ACOD1: variants seen among roughly 807,000 people sequenced by gnomAD.
ACOD1 encodes the protein cis-aconitate decarboxylase.
A neutral mutation model predicts 14.2 loss-of-function variants in ACOD1; 14 were observed. The ratio of observed to expected loss-of-function variants is 0.99; its 90% CI spans 0.65 to 1.54. The LOEUF (loss-of-function observed/expected upper bound fraction) is 1.54. Among genes scored for constraint, ACOD1 ranks in the 40% most tolerant of loss-of-function variants. ACOD1 has a pLI of 0.00. For missense variants in ACOD1, 530 were observed against 586.3 expected, an observed-to-expected ratio of 0.90 and a Z score of 0.99; for synonymous variants, 182 against 221.7, an observed-to-expected ratio of 0.82 and a Z score of 1.59.
At chr13:76,956,182 G>A (rs1041750407) in intron 4 of ACOD1, among the ~76,000 whole-genome samples, 2 of 152,138 alleles carry the variant, frequency 1.3e-5, no homozygotes, top group South Asian at 2.1e-4. Context: ...AACTCTAAGA[G>A]GTAGATGTTA....
Position 76,957,945 on chromosome 13 carries a change from AC to A in ACOD1, c.1407del (p.Ser470LeufsTer28). 6.5e-7 allele frequency: 1 copy of A among 1,546,532 alleles called. No individual in the cohort carries two copies. Among genetic ancestry groups the A allele is most frequent in the South Asian group, 1.2e-5 (1 of 83,294 alleles). On this transcript the variant is annotated frameshift_variant, in exon 5 of 5. Coordinates refer to ENST00000377462, the MANE Select transcript of ACOD1 (RefSeq NM_001258406.2). LOFTEE classifies it low-confidence loss of function (END_TRUNC). ...CCCTCTCCACCAGAGGTAGCTTCAA[AC>A]TCTCCAGCATGTAATAATTCTATCA... ...KGPSPPEVAS[N>X]SPACNNSITN...
At chr13:76,951,830 T>A (rs2033824611) in intron 1 of ACOD1, among the ~76,000 whole-genome samples, 1 of 152,078 alleles carries the variant, frequency 6.6e-6, no homozygotes, top group South Asian at 2.1e-4. Flanking sequence ...TGGTCTGGAG[T>A]GGGGACCAGA....
chr13:76,948,542 C>T lies in ACOD1; in HGVS notation c.-17C>T. On this transcript the variant is annotated 5_prime_UTR_variant, in exon 1 of 5. Coordinates refer to ENST00000377462, the MANE Select transcript of ACOD1 (RefSeq NM_001258406.2). ...CTGGTTCACTCCTCCTGAACTGAAC[C>T]TCTTCTTTACAACGAAATGATGCTC... is the stretch of plus-strand genomic sequence containing the variant. 1 of 1,548,196 alleles carries T rather than the reference C, an allele frequency of 6.5e-7. No individual in the cohort carries two copies. Among genetic ancestry groups the T allele is most frequent in the Non-Finnish European group, 8.7e-7 (1 of 1,145,530 alleles).
rs758369570 is a variant in ACOD1 at position 76,957,566 on chromosome 13, C to T, written c.1027C>T (p.Leu343Phe). 7 of 1,550,520 alleles carry T rather than the reference C, an allele frequency of 4.5e-6. No homozygotes were observed. The highest frequency in any genetic ancestry group is 3.9e-5 in the Admixed American group (2 of 50,990). Residue 343 changes from leucine to phenylalanine, a missense_variant, in exon 5 of 5, where the codon CTT (leucine) becomes TTT (phenylalanine). Transcript: ENST00000377462. ...SFQYVACAML[L>F]DGGITVPSFH... ...CCAGTATGTGGCCTGTGCCATGCTGCTTGATGGTGGCATCACTGTCCCCTC... is the reference window on the plus strand; with the variant it reads ...CCAGTATGTGGCCTGTGCCATGCTGTTTGATGGTGGCATCACTGTCCCCTC...
intron 1 of ACOD1, among the ~76,000 whole-genome samples, chr13:76,950,004 C>G (rs1457942664): frequency 6.6e-6 from 1 of 152,110 alleles, no homozygotes; most frequent in Non-Finnish European, 1.5e-5. Flanking sequence ...CTATCAAAGC[C>G]CTCAGAGACA....
intron 1 of ACOD1, among the ~76,000 whole-genome samples, chr13:76,951,716 G>A (rs545583872): frequency 1.9e-4 from 29 of 152,206 alleles, no homozygotes; most frequent in African/African-American, 4.3e-4. Context: ...CATATTGTAC[G>A]TAAGAGCACC....
At position 76,958,022 on chromosome 13, in the gene ACOD1, G is replaced by A. The variant is rs998704663; in HGVS notation, c.*37G>A. On this transcript the variant is annotated 3_prime_UTR_variant, in exon 5 of 5. Coordinates refer to ENST00000377462, the MANE Select transcript of ACOD1 (RefSeq NM_001258406.2). Reference sequence around the variant, plus strand: ...ATCTAAATGACTTTGCATTTGGGGAGATTCAATGATTTGGTTTGTAAAGCA... The same window carrying A: ...ATCTAAATGACTTTGCATTTGGGGAAATTCAATGATTTGGTTTGTAAAGCA... 1 of 1,459,712 alleles carries A rather than the reference G, an allele frequency of 6.9e-7. No individual in the cohort carries two copies. Among genetic ancestry groups the A allele is most frequent in the Non-Finnish European group, 9.0e-7 (1 of 1,109,516 alleles). 90.4% of individuals were successfully genotyped at this position (1,459,712 alleles called of 1,614,324 possible).
chr13:76,957,036 C>T lies in ACOD1; in HGVS notation c.497C>T (p.Thr166Met), dbSNP rs772797580. ...TTCCATCCCCCTTCCGTGGTAGGAA[C>T]GTTGGGTAGTGCTGCTGCTGCATCC... is the stretch of plus-strand genomic sequence containing the variant. ...KRFHPPSVVG[T>M]LGSAAAASKF... The change falls in exon 5 of 5, where the codon ACG (threonine) becomes ATG (methionine). Residue 166 changes from threonine to methionine, a missense_variant. By Grantham distance (81) the Thr-to-Met change is moderately conservative (BLOSUM62 -1). Transcript: ENST00000377462. 6 of 1,549,706 alleles carry T rather than the reference C, an allele frequency of 3.9e-6. No homozygotes were observed. The highest frequency in any genetic ancestry group is 3.6e-5 in the South Asian group (3 of 83,916).
At chr13:76,948,655 T>C (rs2033792299) in intron 1 of ACOD1, 85 bp downstream of exon 1, 1 of 1,102,606 alleles carries the variant, frequency 9.1e-7, no homozygotes, top group South Asian at 1.4e-5. Flanking sequence ...GCCCTCTCCT[T>C]TTAAGAACTA....
intron 3 of ACOD1, 78 bp downstream of exon 3, chr13:76,953,767 C>T (rs1593890526): frequency 1.1e-6 from 1 of 914,704 alleles, no homozygotes; most frequent in East Asian, 2.7e-5. Context: ...CAGAAATTGC[C>T]CAAATTCTAT....
At chr13:76,953,049 G>A (rs1440260257) in intron 2 of ACOD1, among the ~76,000 whole-genome samples, 3 of 152,202 alleles carry the variant, frequency 2.0e-5, no homozygotes, top group Non-Finnish European at 4.4e-5. Flanking sequence ...TGAGAGGTGG[G>A]AGGATCACTT....
intron 3 of ACOD1, among the ~76,000 whole-genome samples, chr13:76,954,989 C>T (rs767009360): frequency 8.6e-5 from 13 of 151,524 alleles, no homozygotes; most frequent in African/African-American, 2.7e-4. Context: ...TAGCCAGGTG[C>T]GGTGGTGGGC....
At position 76,957,730 on chromosome 13, in the gene ACOD1, C is replaced by T. The variant is rs1248370078; in HGVS notation, c.1191C>T (p.Thr397=). 2 of 1,550,662 alleles carry T rather than the reference C, an allele frequency of 1.3e-6. No homozygotes were observed. Among genetic ancestry groups the T allele is most frequent in the Admixed American group, 3.9e-5 (2 of 51,004 alleles). Reference sequence around the variant, plus strand: ...GTGTCACCCTCAAGGATGGAGCCACCTTCACAGATCGCTCTGATACCTTCT... The same window carrying T: ...GTGTCACCCTCAAGGATGGAGCCACTTTCACAGATCGCTCTGATACCTTCT... ...EISVTLKDGA[T]FTDRSDTFYG... Residue 397 remains threonine (T), a synonymous_variant, in exon 5 of 5, where the codon ACC becomes ACT. Coordinates refer to ENST00000377462, the MANE Select transcript of ACOD1 (RefSeq NM_001258406.2).
At chr13:76,953,839 A>G (rs2033846966) in intron 3 of ACOD1, 150 bp downstream of exon 3, 1 of 565,078 alleles carries the variant, frequency 1.8e-6, no homozygotes, top group African/African-American at 1.9e-5. Context: ...TCTCCTATGT[A>G]GTAATTCAGT....
At chr13:76,954,902 G>A (rs1376022305) in intron 3 of ACOD1, among the ~76,000 whole-genome samples, 1 of 152,000 alleles carries the variant, frequency 6.6e-6, no homozygotes, top group African/African-American at 2.4e-5. Flanking sequence ...GCTGAGGCGG[G>A]CGGATAACGA....
In ACOD1 at chr13:76,958,016, T is replaced by C. The variant is rs1284347372; in HGVS notation, c.*31T>C. On this transcript the variant is annotated 3_prime_UTR_variant, in exon 5 of 5. Coordinates refer to ENST00000377462, the MANE Select transcript of ACOD1 (RefSeq NM_001258406.2). ...ACCAACATCTAAATGACTTTGCATT[T>C]GGGGAGATTCAATGATTTGGTTTGT... is the stretch of plus-strand genomic sequence containing the variant. The C allele has an allele frequency of 6.8e-7, 1 of 1,466,872 alleles. No individual in the cohort carries two copies. The highest frequency in any genetic ancestry group is 9.0e-7 in the Non-Finnish European group (1 of 1,113,202). 90.9% of individuals were successfully genotyped at this position (1,466,872 alleles called of 1,614,324 possible).
chr13:76,954,145 C>A (rs1363260672), intron 3 of ACOD1, among the ~76,000 whole-genome samples: 4 of 152,116 alleles, frequency 2.6e-5, no homozygotes, highest in African/African-American at 9.7e-5. Flanking sequence ...AACCAAAAAT[C>A]TGTACTTCTC....
rs1174865879 is a variant in ACOD1, at chr13:76,958,170, A to G, written c.*185A>G. The G allele has an allele frequency of 3.8e-6, 2 of 527,980 alleles. No homozygotes were observed. Among genetic ancestry groups the G allele is most frequent in the African/African-American group, 1.9e-5 (1 of 52,150 alleles). The allele number at this position is 527,980 out of a possible 1,614,324, so 32.7% of individuals were successfully genotyped here. ...TTTTGCAGGACAGTTCCACTTACCTAAATCAAGATGAAACACACACACAAA... is the reference window on the plus strand; with the variant it reads ...TTTTGCAGGACAGTTCCACTTACCTGAATCAAGATGAAACACACACACAAA... On this transcript the variant is annotated 3_prime_UTR_variant, in exon 5 of 5. Coordinates refer to ENST00000377462, the MANE Select transcript of ACOD1 (RefSeq NM_001258406.2).
In ACOD1 at chr13:76,958,001, A is replaced by G. The variant is rs903079271; in HGVS notation, c.*16A>G. 18 of 1,486,144 alleles carry G rather than the reference A, an allele frequency of 1.2e-5. No individual in the cohort carries two copies. Among genetic ancestry groups the G allele is most frequent in the Non-Finnish European group, 1.6e-5 (18 of 1,121,376 alleles). The allele number at this position is 1,486,144 out of a possible 1,614,324, so 92.1% of individuals were successfully genotyped here. ...TCTCTCCTGAGGCTTACCAACATCT[A>G]AATGACTTTGCATTTGGGGAGATTC... is the stretch of plus-strand genomic sequence containing the variant. On this transcript the variant is annotated 3_prime_UTR_variant, in exon 5 of 5. Coordinates refer to ENST00000377462, the MANE Select transcript of ACOD1 (RefSeq NM_001258406.2).
Sources: allele counts gnomAD v4.1 joint callset (sites outside exome capture counted in the v4.1 genomes callset), GRCh38; gene constraint gnomAD v4.1.1; transcripts MANE v1.5; gene names NCBI Gene and HGNC (gene_info 2026-07-23, HGNC 2026-07-21).